FRMPD3: variants seen among roughly 807,000 people sequenced by gnomAD.
FRMPD3 encodes FERM and PDZ domain containing 3, also known as FERM and PDZ domain-containing protein 3.
A neutral mutation model predicts 97.9 loss-of-function variants in FRMPD3; 42 were observed. That is an observed-to-expected ratio of 0.43 (90% confidence interval 0.34 to 0.55). The LOEUF (loss-of-function observed/expected upper bound fraction) is 0.55, where lower values mean the gene tolerates loss of function less well. FRMPD3 is among the 20% of genes least tolerant of loss of function. The probability of loss-of-function intolerance (pLI) is 0.03; values close to 1 mark genes in which losing one functional copy is unlikely to be tolerated. For synonymous variants in FRMPD3, 577 were observed against 581.1 expected (o/e 0.99, Z 0.10); for missense variants, 1,303 against 1,457.7 (o/e 0.89, Z 1.73).
In FRMPD3 at chrX:107,602,979, A is replaced by G. The variant is rs765358190; in HGVS notation, c.4940A>G (p.Asn1647Ser). 9.1e-6 allele frequency: 11 copies of G among 1,210,005 alleles called. No individual in the cohort carries two copies. The South Asian group carries it at 1.1e-4, about 12-fold the overall frequency. ...CGGGCCTCCTGCCGCCGTGTGGCCAATGTGGACAAGAGCCCAACTCACATG... is the reference window on the plus strand; with the variant it reads ...CGGGCCTCCTGCCGCCGTGTGGCCAGTGTGGACAAGAGCCCAACTCACATG... ...ELRASCRRVA[N>S]VDKSPTHMLA... Residue 1647 changes from asparagine (N) to serine (S), a missense_variant, in exon 15 of 15, where the codon AAT becomes AGT. Physicochemically the swap from Asn to Ser is conservative, Grantham distance 46 (BLOSUM62 1). Around this residue, in one of 3 missense-constraint regions of FRMPD3, gnomAD observed 764 missense variants for 820.2 expected, o/e 0.93. Transcript: ENST00000683843.
At chrX:107,517,746 A>G (rs1440703362) in intron 1 of FRMPD3, among the ~76,000 whole-genome samples, 18 of 101,260 alleles carry the variant, frequency 1.8e-4, no homozygotes, top group African/African-American at 6.6e-4. Context: ...GGGCATCAAC[A>G]GCGAAACTCT....
In FRMPD3 at chrX:107,508,596, C is replaced by T. The variant is rs184034282; in HGVS notation, c.-7-17986C>T. On this transcript the variant is annotated intron_variant, in intron 1 of 14. Transcript: ENST00000683843. ...CCAGCCCAGATCACTAACTCCAGAG[C>T]TCAAGTTGGAACTACCCTTTAGAAG... Among the ~76,000 whole-genome samples the T allele has an allele frequency of 4.5e-5, 5 of 111,418 alleles. No homozygotes were observed. In the East Asian group the frequency reaches 1.4e-3, roughly 31 times the overall value.
At chrX:107,588,072 G>T (rs1440388587) in intron 13 of FRMPD3, among the ~76,000 whole-genome samples, 1 of 111,564 alleles carries the variant, frequency 9.0e-6, no homozygotes, top group Non-Finnish European at 1.9e-5. Flanking sequence ...GCAACGCCCA[G>T]CCTGGCCCCC....
intron 1 of FRMPD3, among the ~76,000 whole-genome samples, chrX:107,477,691 C>G (rs932760304): frequency 8.9e-6 from 1 of 112,100 alleles, no homozygotes; most frequent in Non-Finnish European, 1.9e-5. Flanking sequence ...GGCTGGGACT[C>G]TAGACTTTCT....
chrX:107,567,986 A>G (rs1922682528), intron 12 of FRMPD3, among the ~76,000 whole-genome samples: 1 of 111,022 alleles, frequency 9.0e-6, no homozygotes, highest in Non-Finnish European at 1.9e-5. Context: ...TCTCCCCTGC[A>G]TACCACTCTT....
At chrX:107,530,944 G>A (rs1922922885) in intron 3 of FRMPD3, among the ~76,000 whole-genome samples, 1 of 110,953 alleles carries the variant, frequency 9.0e-6, no homozygotes, top group Admixed American at 9.6e-5. Context: ...TGGCCAATGG[G>A]TTGAGGAAGA....
At chrX:107,594,084 T>G (rs768846767) in intron 13 of FRMPD3, among the ~76,000 whole-genome samples, 37 of 112,069 alleles carry the variant, frequency 3.3e-4, no homozygotes, top group African/African-American at 1.2e-3. Context: ...CTTGTAGAGG[T>G]CTTTCACCTC....
intron 1 of FRMPD3, among the ~76,000 whole-genome samples, chrX:107,496,559 A>G (rs1218508569): frequency 1.2e-4 from 13 of 112,171 alleles, no homozygotes; most frequent in Admixed American, 9.4e-5. Flanking sequence ...TAAAGTTTCA[A>G]GTGTTTTATC....
At chrX:107,457,601 C>T (rs1223602348) in intron 1 of FRMPD3, among the ~76,000 whole-genome samples, 1 of 112,109 alleles carries the variant, frequency 8.9e-6, no homozygotes, top group East Asian at 2.8e-4. Flanking sequence ...CACACCCACT[C>T]TTCCACCCAA....
At chrX:107,487,125 G>T (rs1170141230) in intron 1 of FRMPD3, among the ~76,000 whole-genome samples, 2 of 109,753 alleles carry the variant, frequency 1.8e-5, no homozygotes, top group Non-Finnish European at 3.8e-5. Context: ...GTGGTGGCGG[G>T]CGCCTGTAAT....
intron 8 of FRMPD3, among the ~76,000 whole-genome samples, chrX:107,557,800 T>C (rs1922156479): frequency 7.1e-5 from 1 of 14,054 alleles, no homozygotes; most frequent in Non-Finnish European, 1.1e-4. Flanking sequence ...CTGTTGTCTA[T>C]ATATATATAT....
chrX:107,572,879 C>CAGT (rs1556256253), intron 12 of FRMPD3, among the ~76,000 whole-genome samples: 2 of 99,495 alleles, frequency 2.0e-5, no homozygotes, highest in Non-Finnish European at 4.0e-5. Context: ...ACCACATCTC[C>CAGT]ACTACTACTA....
chrX:107,506,124 T>TTC (rs1922022547), intron 1 of FRMPD3, among the ~76,000 whole-genome samples: 1 of 112,244 alleles, frequency 8.9e-6, no homozygotes, highest in Non-Finnish European at 1.9e-5. Context: ...GGACTGAGAC[T>TTC]TCTTCCTTTT....
At chrX:107,495,775 T>C (rs1388316584) in intron 1 of FRMPD3, among the ~76,000 whole-genome samples, 1 of 112,755 alleles carries the variant, frequency 8.9e-6, no homozygotes, top group Non-Finnish European at 1.9e-5. Context: ...ACAGCAACTT[T>C]ACTCTTAGTA....
At chrX:107,489,284 C>A (rs1438348197) in intron 1 of FRMPD3, among the ~76,000 whole-genome samples, 4 of 109,846 alleles carry the variant, frequency 3.6e-5, no homozygotes, top group Non-Finnish European at 7.6e-5. Context: ...TGAATAGTGC[C>A]GCAATAAACA....
At chrX:107,480,887 GGAAGGAAGGAAAGAAAGAAAGAAA>G (rs1287751716) in intron 1 of FRMPD3, among the ~76,000 whole-genome samples, 22 of 61,367 alleles carry the variant, frequency 3.6e-4, no homozygotes, top group African/African-American at 1.3e-3. Context: ...AAGGAAGGAA[GGAAGGAAGGAAAGAAAGAAAGAAA>G]GAAAGAAAGA....
At chrX:107,526,821 C>A in intron 2 of FRMPD3, 85 bp downstream of exon 2, 1 of 941,040 alleles carries the variant, frequency 1.1e-6, no homozygotes, top group Non-Finnish European at 1.4e-6. Flanking sequence ...AGCTTCCAAG[C>A]ATTCTAACTG....
intron 1 of FRMPD3, among the ~76,000 whole-genome samples, chrX:107,467,431 A>G (rs753668084): frequency 5.4e-5 from 6 of 111,288 alleles, no homozygotes; most frequent in East Asian, 2.8e-4. Context: ...GCATAGGACT[A>G]TAGATAAGTA....
At chrX:107,515,230 C>A (rs1202588227) in intron 1 of FRMPD3, among the ~76,000 whole-genome samples, 1 of 111,293 alleles carries the variant, frequency 9.0e-6, no homozygotes, top group Non-Finnish European at 1.9e-5. Context: ...AGGCCTGGAA[C>A]TGAGTTCCAA....
Sources: gnomAD v4.1 joint callset for allele counts (sites outside exome capture counted in the v4.1 genomes callset) on GRCh38, gnomAD v4.1.1 for gene constraint, gnomAD v4.1.1 regional missense constraint, MANE v1.5 for transcripts, NCBI Gene and HGNC (gene_info 2026-07-23, HGNC 2026-07-21) for gene names.